The following ARHGAP10 variants were observed in gnomAD, a reference collection of about 807,000 sequenced individuals.
ARHGAP10 encodes the protein Rho GTPase activating protein 10.
Under a neutral mutation model 108.6 loss-of-function variants are expected in ARHGAP10, and 87 were observed. The observed-to-expected ratio is 0.80, with a 90% confidence interval of 0.67 to 0.96. The LOEUF is 0.96. Ranked by LOEUF, ARHGAP10 falls within the 40% of genes least tolerant of loss-of-function variation. The pLI is 0.00. For missense variants in ARHGAP10, 939 were observed against 954.5 expected (o/e 0.98, Z 0.21); for synonymous variants, 347 against 341.1 (o/e 1.02, Z -0.19).
intron 6 of ARHGAP10, chr4:147,866,020 TG>T (rs1734542427): frequency 6.6e-6 from 1 of 152,236 alleles, no homozygotes; most frequent in African/African-American, 2.4e-5. Context: ...TAACAGGTCA[TG>T]GCTGACGTTG....
chr4:147,851,567 C>T (rs376045996), intron 4 of ARHGAP10, among the ~76,000 whole-genome samples: 2 of 152,176 alleles, frequency 1.3e-5, no homozygotes, highest in Non-Finnish European at 1.5e-5. Context: ...TACTACAAAA[C>T]ATGAGTAAAA....
At chr4:148,049,871 G>A (rs1296191340) in intron 20 of ARHGAP10, among the ~76,000 whole-genome samples, 2 of 147,184 alleles carry the variant, frequency 1.4e-5, no homozygotes, top group African/African-American at 5.0e-5. Context: ...TGGTGGTGGC[G>A]GTGGGAGGGT....
chr4:147,984,153 T>G (rs1258992069), intron 18 of ARHGAP10, among the ~76,000 whole-genome samples: 6 of 152,100 alleles, frequency 3.9e-5, no homozygotes, highest in South Asian at 2.1e-4. Context: ...TTTGGTGGTG[T>G]TGTTTAAGCT....
intron 1 of ARHGAP10, among the ~76,000 whole-genome samples, chr4:147,785,769 T>G (rs1483388055): frequency 6.6e-6 from 1 of 152,162 alleles, no homozygotes; most frequent in Non-Finnish European, 1.5e-5. Context: ...AGCAATTATT[T>G]CATATAAGGA....
chr4:147,957,590 C>G (rs1560844915), intron 16 of ARHGAP10, among the ~76,000 whole-genome samples: 1 of 152,134 alleles, frequency 6.6e-6, no homozygotes, highest in Non-Finnish European at 1.5e-5. Context: ...GTCTTTGTTA[C>G]CACCTCTCAC....
intron 1 of ARHGAP10, among the ~76,000 whole-genome samples, chr4:147,755,645 G>T (rs1729337011): frequency 6.6e-6 from 1 of 152,212 alleles, no homozygotes; most frequent in African/African-American, 2.4e-5. Context: ...ATTTTAGGAA[G>T]TAGCTGTACT....
At chr4:147,937,260 G>A (rs1737990597) in intron 13 of ARHGAP10, among the ~76,000 whole-genome samples, 2 of 152,180 alleles carry the variant, frequency 1.3e-5, no homozygotes, top group Admixed American at 6.5e-5. Context: ...GGGGATAGCT[G>A]TCTTCTCCCT....
At chr4:147,938,757 T>G (rs1738049191) in intron 13 of ARHGAP10, among the ~76,000 whole-genome samples, 1 of 152,234 alleles carries the variant, frequency 6.6e-6, no homozygotes, top group Non-Finnish European at 1.5e-5. Flanking sequence ...ATTAGAGGCA[T>G]CATCTGCCTG....
intron 7 of ARHGAP10, among the ~76,000 whole-genome samples, chr4:147,868,563 G>A (rs1734665280): frequency 6.6e-6 from 1 of 152,102 alleles, no homozygotes; most frequent in Non-Finnish European, 1.5e-5. Context: ...GAATATTTTT[G>A]CAGGCAGCAG....
At chr4:147,836,728 C>T (rs1733184787) in intron 3 of ARHGAP10, among the ~76,000 whole-genome samples, 1 of 152,128 alleles carries the variant, frequency 6.6e-6, no homozygotes, top group Non-Finnish European at 1.5e-5. Flanking sequence ...TTCGTTTTTA[C>T]ATTAGTTTCT....
intron 7 of ARHGAP10, among the ~76,000 whole-genome samples, chr4:147,868,602 T>C (rs1039331300): frequency 6.6e-6 from 1 of 152,102 alleles, no homozygotes; most frequent in African/African-American, 2.4e-5. Context: ...GAACAGTAGA[T>C]AGTTCACGTA....
At chr4:147,805,102 G>A (rs1731730162) in intron 1 of ARHGAP10, among the ~76,000 whole-genome samples, 2 of 152,096 alleles carry the variant, frequency 1.3e-5, no homozygotes, top group Admixed American at 6.6e-5. Context: ...TTTTTACAGT[G>A]TCAGGTTTTA....
chr4:147,808,829 C>T (rs1355783223), intron 1 of ARHGAP10: 2 of 152,332 alleles, frequency 1.3e-5, no homozygotes. Context: ...CTGCCCCCTC[C>T]CTTCTGTTCT....
At chr4:147,853,277 C>G (rs1486280330) in intron 4 of ARHGAP10, among the ~76,000 whole-genome samples, 1 of 152,226 alleles carries the variant, frequency 6.6e-6, no homozygotes, top group Non-Finnish European at 1.5e-5. Flanking sequence ...TCCACACGGA[C>G]AGTGGCCCTG....
intron 21 of ARHGAP10, among the ~76,000 whole-genome samples, chr4:148,064,190 C>G (rs769107305): frequency 5.3e-5 from 8 of 152,166 alleles, no homozygotes; most frequent in Non-Finnish European, 1.0e-4. Flanking sequence ...AGTGACAGCT[C>G]CTCAGAGAGG....
chr4:147,951,752 C>CTATT (rs1277326763), intron 15 of ARHGAP10, among the ~76,000 whole-genome samples: 1 of 152,014 alleles, frequency 6.6e-6, no homozygotes, highest in African/African-American at 2.4e-5. Flanking sequence ...CATGCTTGAC[C>CTATT]TATTTTTATT....
chr4:147,970,010 A>T (rs1049729716), intron 18 of ARHGAP10, among the ~76,000 whole-genome samples: 2 of 151,958 alleles, frequency 1.3e-5, no homozygotes, highest in African/African-American at 4.8e-5. Context: ...GAGATGGGGG[A>T]TGTCAGTTTG....
intron 13 of ARHGAP10, 74 bp downstream of exon 13, chr4:147,913,213 T>G (rs1484864544): frequency 1.5e-6 from 2 of 1,373,354 alleles, no homozygotes; most frequent in East Asian, 4.6e-5. Context: ...AAAATACTTC[T>G]TGCTTTTAAG....
intron 19 of ARHGAP10, 143 bp from the exon 20 acceptor site, chr4:148,046,749 C>A: frequency 1.4e-6 from 1 of 708,838 alleles, no homozygotes; most frequent in Non-Finnish European, 2.2e-6. Flanking sequence ...AATGTAAAGA[C>A]AGGACACCCA....
Sources: gnomAD v4.1 joint callset for allele counts (sites outside exome capture counted in the v4.1 genomes callset) on GRCh38, gnomAD v4.1.1 for gene constraint, MANE v1.5 for transcripts, NCBI Gene and HGNC (gene_info 2026-07-23, HGNC 2026-07-21) for gene names.